MS4A6E: variants seen among roughly 807,000 people sequenced by gnomAD.
MS4A6E encodes membrane-spanning 4-domains subfamily A member 6E.
In MS4A6E, 8 loss-of-function variants were observed where a neutral mutation model predicts 13.2. That is an observed-to-expected ratio of 0.60 (90% confidence interval 0.35 to 1.09). The LOEUF is 1.09. Ranked by LOEUF, MS4A6E falls within the 50% of genes least tolerant of loss-of-function variation. MS4A6E has a pLI of 0.02. For synonymous variants in MS4A6E, 72 were observed against 67.6 expected (o/e 1.06, Z -0.32); for missense variants, 177 against 171.1 (o/e 1.03, Z -0.19).
chr11:60,332,083 T>C (rs912907671), intron 1 of MS4A6E, among the ~76,000 whole-genome samples: 2 of 152,236 alleles, frequency 1.3e-5, no homozygotes, highest in Admixed American at 1.3e-4. Flanking sequence ...GGTATTCACA[T>C]GCTATTTTCA....
intron 3 of MS4A6E, among the ~76,000 whole-genome samples, 200 bp downstream of exon 3, chr11:60,338,147 A>T (rs1310590721): frequency 6.6e-6 from 1 of 152,234 alleles, no homozygotes; most frequent in Non-Finnish European, 1.5e-5. Flanking sequence ...TTGAAATGTC[A>T]GATAAGGTTG....
At chr11:60,330,026 C>T (rs1021968796) in intron 1 of MS4A6E, among the ~76,000 whole-genome samples, 2 of 150,306 alleles carry the variant, frequency 1.3e-5, no homozygotes, top group East Asian at 2.0e-4. Context: ...GGGGTTTCAC[C>T]GTGTTAGCCA....
chr11:60,340,217 T>C (rs1028171811), intron 4 of MS4A6E, among the ~76,000 whole-genome samples: 3 of 152,208 alleles, frequency 2.0e-5, no homozygotes, highest in African/African-American at 7.2e-5. Context: ...CATTTTGTCA[T>C]TGAAGGGAAT....
intron 1 of MS4A6E, among the ~76,000 whole-genome samples, chr11:60,331,414 T>C (rs551266646): frequency 7.7e-4 from 117 of 152,266 alleles, no homozygotes; most frequent in African/African-American, 1.7e-3. Flanking sequence ...AATCTACTCA[T>C]AGAGCAGTTT....
chr11:60,344,301 C>T (rs574942240), downstream of MS4A6E, among the ~76,000 whole-genome samples: 4 of 152,194 alleles, frequency 2.6e-5, no homozygotes, highest in Non-Finnish European at 5.9e-5. Flanking sequence ...AAGTATCTGT[C>T]CCTACCAGGA....
chr11:60,329,374 T>G (rs2085139955), intron 1 of MS4A6E, among the ~76,000 whole-genome samples: 1 of 152,234 alleles, frequency 6.6e-6, no homozygotes. Flanking sequence ...GTGCCACATT[T>G]TCTTTATCCA....
intron 2 of MS4A6E, among the ~76,000 whole-genome samples, chr11:60,335,861 G>C (rs2085185799): frequency 6.6e-6 from 1 of 152,174 alleles, no homozygotes; most frequent in Non-Finnish European, 1.5e-5. Context: ...AGAACATGCA[G>C]TATTTGGTTT....
chr11:60,337,565 C>T (rs1413577383), intron 2 of MS4A6E, among the ~76,000 whole-genome samples, 176 bp from the exon 3 acceptor site: 3 of 152,156 alleles, frequency 2.0e-5, no homozygotes, highest in East Asian at 1.9e-4. Flanking sequence ...CCAAGTTTTA[C>T]GTTGCAGATT....
chr11:60,339,980 A>G lies in MS4A6E; in HGVS notation c.*9+16A>G, dbSNP rs370733824. On this transcript the variant is annotated intron_variant, in intron 4 of 4. Transcript: ENST00000684409. ...ACTTCCCTGGGTGAGTGTGCTGGCCAGCCTCGCTTAATCTTGCCTAGTGTA... is the reference window on the plus strand; with the variant it reads ...ACTTCCCTGGGTGAGTGTGCTGGCCGGCCTCGCTTAATCTTGCCTAGTGTA... The G allele has an allele frequency of 1.6e-4, 258 of 1,612,180 alleles. No homozygotes were observed. Among genetic ancestry groups the G allele is most frequent in the Admixed American group, 1.0e-3 (60 of 60,006 alleles).
intron 1 of MS4A6E, among the ~76,000 whole-genome samples, chr11:60,334,308 A>C (rs541943249): frequency 1.3e-3 from 197 of 152,306 alleles, no homozygotes; most frequent in Admixed American, 4.1e-3. Context: ...AGCCCATAAA[A>C]AGCTTGAAGG....
intron 1 of MS4A6E, among the ~76,000 whole-genome samples, chr11:60,334,503 AATG>A (rs1282510225): frequency 3.3e-5 from 5 of 152,236 alleles, no homozygotes; most frequent in African/African-American, 1.2e-4. Context: ...ACAAAAAATA[AATG>A]ATTAGAGTGC....
chr11:60,329,643 C>T (rs2085141494), intron 1 of MS4A6E, among the ~76,000 whole-genome samples: 1 of 152,180 alleles, frequency 6.6e-6, no homozygotes, highest in South Asian at 2.1e-4. Flanking sequence ...TCCACATCCT[C>T]TCCAGCACCT....
intron 2 of MS4A6E, chr11:60,335,693 G>A (rs1445926236): frequency 4.7e-6 from 2 of 423,614 alleles, no homozygotes; most frequent in African/African-American, 4.1e-5. Context: ...TGGTGGGACT[G>A]GTTTCCTTGC....
downstream of MS4A6E, among the ~76,000 whole-genome samples, chr11:60,344,916 T>TTTG (rs1369374071): frequency 7.3e-6 from 1 of 137,060 alleles, no homozygotes; most frequent in Non-Finnish European, 1.5e-5. Context: ...GTTTTGTTTT[T>TTTG]TTTGTTTGTT....
At chr11:60,333,483 A>G (rs1267950764) in intron 1 of MS4A6E, among the ~76,000 whole-genome samples, 2 of 152,198 alleles carry the variant, frequency 1.3e-5, no homozygotes, top group Non-Finnish European at 2.9e-5. Context: ...CCTAGAGTAC[A>G]GGGTATGAGA....
At chr11:60,343,718 G>A (rs1026391610), downstream of MS4A6E, among the ~76,000 whole-genome samples, 1 of 152,152 alleles carries the variant, frequency 6.6e-6, no homozygotes, top group Admixed American at 6.5e-5. Flanking sequence ...GTGGGACTGA[G>A]TAAGATGGGT....
chr11:60,333,861 A>G (rs767155892), intron 1 of MS4A6E, among the ~76,000 whole-genome samples: 2 of 152,226 alleles, frequency 1.3e-5, no homozygotes, highest in Non-Finnish European at 2.9e-5. Context: ...TCAAACATAA[A>G]TATCTGTTTC....
At chr11:60,331,880 G>A (rs1007798033) in intron 1 of MS4A6E, among the ~76,000 whole-genome samples, 2 of 152,134 alleles carry the variant, frequency 1.3e-5, no homozygotes, top group Admixed American at 1.3e-4. Flanking sequence ...TGCTCCTTTC[G>A]ACCATGAGAG....
chr11:60,336,148 C>T (rs1305780503), intron 2 of MS4A6E, among the ~76,000 whole-genome samples: 1 of 152,064 alleles, frequency 6.6e-6, no homozygotes, highest in African/African-American at 2.4e-5. Flanking sequence ...AGTTACAATC[C>T]AACACTAGAT....
Sources: allele counts gnomAD v4.1 joint callset (sites outside exome capture counted in the v4.1 genomes callset), GRCh38; gene constraint gnomAD v4.1.1; transcripts MANE v1.5; gene names NCBI Gene and HGNC (gene_info 2026-07-23, HGNC 2026-07-21).